The following UNC5D variants were observed in gnomAD, a reference collection of about 807,000 sequenced individuals.
UNC5D encodes netrin receptor UNC5D.
Under a neutral mutation model 105.4 loss-of-function variants are expected in UNC5D, and 39 were observed. The ratio of observed to expected loss-of-function variants is 0.37; its 90% CI spans 0.29 to 0.48. The LOEUF (loss-of-function observed/expected upper bound fraction) is 0.48, where lower values mean the gene tolerates loss of function less well. Among genes scored for constraint, UNC5D ranks in the 20% least tolerant of loss-of-function variants. UNC5D has a pLI of 0.98. For synonymous variants in UNC5D, 452 were observed against 450.4 expected (o/e 1.00, Z -0.04); for missense variants, 991 against 1,202.4 (o/e 0.82, Z 2.60).
intron 7 of UNC5D, among the ~76,000 whole-genome samples, chr8:35,692,539 G>C (rs1004259146): frequency 2.6e-5 from 4 of 152,118 alleles, no homozygotes; most frequent in African/African-American, 9.7e-5. Context: ...GGATTATAAT[G>C]GATGAGTGTC....
chr8:35,442,115 A>G (rs1020801458), intron 1 of UNC5D, among the ~76,000 whole-genome samples: 1 of 151,970 alleles, frequency 6.6e-6, no homozygotes, highest in Non-Finnish European at 1.5e-5. Context: ...ATAAATTGAC[A>G]TAAACACATT....
chr8:35,748,624 C>T lies in UNC5D; in HGVS notation c.1864C>T (p.His622Tyr), dbSNP rs1362954698. ...CACTCCCTTTGCATTGACCATCCCGCACTGTGCAGATGTCAGTTCTGAGCA... is the reference window on the plus strand; with the variant it reads ...CACTCCCTTTGCATTGACCATCCCGTACTGTGCAGATGTCAGTTCTGAGCA... ...VTTPFALTIPHCADVSSEHWN... is the reference protein window; with the variant it reads ...VTTPFALTIPYCADVSSEHWN... Residue 622 changes from histidine to tyrosine, a missense_variant, in exon 12 of 17, where the codon CAC becomes TAC. Transcript: ENST00000404895. 1 of 1,614,106 alleles carries T rather than the reference C, an allele frequency of 6.2e-7. No individual in the cohort carries two copies.
intron 4 of UNC5D, among the ~76,000 whole-genome samples, chr8:35,675,055 AT>A (rs1247591258): frequency 6.6e-6 from 1 of 152,190 alleles, no homozygotes; most frequent in Non-Finnish European, 1.5e-5. Context: ...TGTGAAAAAA[AT>A]ATTTATTACT....
At chr8:35,434,296 T>C (rs1392520038) in intron 1 of UNC5D, among the ~76,000 whole-genome samples, 1 of 152,160 alleles carries the variant, frequency 6.6e-6, no homozygotes, top group Non-Finnish European at 1.5e-5. Context: ...CAAGTTCCAC[T>C]AATGAGAGTC....
At position 35,579,669 on chromosome 8, in the gene UNC5D, G is replaced by A. The variant is rs1380101830; in HGVS notation, c.466+11428G>A. On this transcript the variant is annotated intron_variant, in intron 3 of 16. Coordinates refer to ENST00000404895, the MANE Select transcript of UNC5D (RefSeq NM_080872.4). ...TGGGAAAGCAAGCAACACAGTACTT[G>A]TAGTGAATGAATCTCAAGATGGCAG... Among the ~76,000 whole-genome samples, 5 of 152,230 alleles carry A rather than the reference G, an allele frequency of 3.3e-5. No individual in the cohort carries two copies. The East Asian group carries it at 9.6e-4, about 29-fold the overall frequency.
chr8:35,591,155 C>G (rs1819143430), intron 3 of UNC5D, among the ~76,000 whole-genome samples: 1 of 151,980 alleles, frequency 6.6e-6, no homozygotes, highest in South Asian at 2.1e-4. Context: ...TGGCTGCTTA[C>G]AATCTCATGG....
At chr8:35,304,473 TAATC>T (rs1808192173) in intron 1 of UNC5D, among the ~76,000 whole-genome samples, 1 of 152,128 alleles carries the variant, frequency 6.6e-6, no homozygotes, top group Non-Finnish European at 1.5e-5. Context: ...CATAATAACT[TAATC>T]TATGTCAGAC....
chr8:35,731,429 A>AG (rs1202629940), intron 11 of UNC5D, among the ~76,000 whole-genome samples: 1 of 148,692 alleles, frequency 6.7e-6, no homozygotes, highest in African/African-American at 2.5e-5. Flanking sequence ...AAAAAAAAAA[A>AG]GGGCATTTTA....
At chr8:35,721,205 G>A (rs1448734783) in intron 8 of UNC5D, among the ~76,000 whole-genome samples, 4 of 151,986 alleles carry the variant, frequency 2.6e-5, no homozygotes, top group Admixed American at 2.6e-4. Context: ...TATGTAGTTA[G>A]CACTTGCCAT....
At chr8:35,787,628 C>T (rs1378838747) in intron 16 of UNC5D, among the ~76,000 whole-genome samples, 1 of 151,966 alleles carries the variant, frequency 6.6e-6, no homozygotes, top group Non-Finnish European at 1.5e-5. Flanking sequence ...GTTTGTTTGT[C>T]TTTTTTTGAG....
Position 35,568,130 on chromosome 8 carries a change from A to G in UNC5D, c.355A>G (p.Thr119Ala). The G allele has an allele frequency of 6.2e-7, 1 of 1,614,198 alleles. No individual in the cohort carries two copies. Among genetic ancestry groups the G allele is most frequent in the Non-Finnish European group, 8.5e-7 (1 of 1,180,028 alleles). Residue 119 changes from threonine to alanine, a missense_variant, in exon 3 of 17, where the codon ACT becomes GCT. Transcript: ENST00000404895. ...LKVREVFINV[T>A]RQQVEDFHGP... ...GGTCCGCGAAGTGTTCATCAATGTT[A>G]CTAGGCAACAGGTGGAGGACTTCCA...
rs141727990 is a variant in UNC5D, at chr8:35,374,493, T to C, written c.103+138606T>C. Among the ~76,000 whole-genome samples the C allele has an allele frequency of 1.4e-4, 22 of 152,296 alleles. No individual in the cohort carries two copies. The East Asian group carries it at 3.7e-3, about 25-fold the overall frequency. On this transcript the variant is annotated intron_variant, in intron 1 of 16. Transcript: ENST00000404895. ...AAGCTTTTGTTTATGAAGAATAGAC[T>C]AAGTATGGTAGAGTTAGGTTGCTCA...
chr8:35,592,187 C>T (rs1410209312), intron 3 of UNC5D, among the ~76,000 whole-genome samples: 9 of 152,224 alleles, frequency 5.9e-5, no homozygotes, highest in Non-Finnish European at 4.4e-5. Flanking sequence ...CTCATAGTGG[C>T]GGTTTCTTGA....
rs549688454 is a variant in UNC5D, at chr8:35,748,284, A to G, written c.1767-243A>G. On this transcript the variant is annotated intron_variant, in intron 11 of 16. Transcript: ENST00000404895. Reference sequence around the variant, plus strand: ...TTCTGCCCTGTATTTCCAAAGAAGCATTTGTCATTTTGTTGGTGGGTTTGT... The same window carrying G: ...TTCTGCCCTGTATTTCCAAAGAAGCGTTTGTCATTTTGTTGGTGGGTTTGT... Among the ~76,000 whole-genome samples, 8 of 152,306 alleles carry G rather than the reference A, an allele frequency of 5.3e-5. No homozygotes were observed. In the South Asian group the frequency reaches 1.5e-3, roughly 28 times the overall value.
At chr8:35,786,675 G>A (rs767444542) in intron 16 of UNC5D, among the ~76,000 whole-genome samples, 4 of 151,968 alleles carry the variant, frequency 2.6e-5, no homozygotes, top group Non-Finnish European at 4.4e-5. Flanking sequence ...AGTTCTCAGA[G>A]TGCCTGAGGC....
chr8:35,671,300 TG>T (rs1824788869), intron 4 of UNC5D, among the ~76,000 whole-genome samples: 1 of 152,222 alleles, frequency 6.6e-6, no homozygotes, highest in African/African-American at 2.4e-5. Flanking sequence ...CTCTACAATT[TG>T]GATACCAAAT....
intron 1 of UNC5D, among the ~76,000 whole-genome samples, chr8:35,257,097 G>A (rs3108622): frequency 0.36 from 54,255 of 151,308 alleles, 10,682 homozygotes; most frequent in Non-Finnish European, 0.43. Flanking sequence ...TTAGCCTCCT[G>A]AGTAGCTGGG....
intron 8 of UNC5D, among the ~76,000 whole-genome samples, chr8:35,708,884 A>G (rs925325093): frequency 1.3e-5 from 2 of 152,134 alleles, no homozygotes; most frequent in Admixed American, 6.5e-5. Flanking sequence ...CTCAAAGTTG[A>G]AATTATCCTT....
chr8:35,318,321 T>TTAA lies in UNC5D; in HGVS notation c.103+82442_103+82444dup, dbSNP rs1809457522. Reference sequence around the variant, plus strand: ...AATACTAGTTCTCATTCACCCACCATTAATAATAATGAAGCTGACATATTA... The same window carrying TTAA: ...AATACTAGTTCTCATTCACCCACCATTAATAATAATAATGAAGCTGACATATTA... On this transcript the variant is annotated intron_variant, in intron 1 of 16. Coordinates refer to ENST00000404895, the MANE Select transcript of UNC5D (RefSeq NM_080872.4). Among the ~76,000 whole-genome samples the TTAA allele has an allele frequency of 2.0e-5, 3 of 152,182 alleles. No homozygotes were observed. In the South Asian group the frequency reaches 6.2e-4, roughly 32 times the overall value.
Sources: gnomAD v4.1 joint callset for allele counts (sites outside exome capture counted in the v4.1 genomes callset) on GRCh38, gnomAD v4.1.1 for gene constraint, MANE v1.5 for transcripts, NCBI Gene and HGNC (gene_info 2026-07-23, HGNC 2026-07-21) for gene names.